ANKMY1: variants seen among roughly 807,000 people sequenced by gnomAD.
The protein encoded by ANKMY1 is ankyrin repeat and MYND domain-containing protein 1.
A neutral mutation model predicts 102.0 loss-of-function variants in ANKMY1; 98 were observed. That is an observed-to-expected ratio of 0.96 (90% CI 0.82 to 1.14). The LOEUF (loss-of-function observed/expected upper bound fraction) is 1.14. ANKMY1 is among the 50% of genes most tolerant of loss of function. The pLI is 0.00. For missense variants in ANKMY1, 1,330 were observed against 1,347.6 expected (o/e 0.99, Z 0.20); for synonymous variants, 582 against 559.9 (o/e 1.04, Z -0.56).
At chr2:240,551,629 T>A (rs2091543615) in intron 4 of ANKMY1, among the ~76,000 whole-genome samples, 1 of 152,182 alleles carries the variant, frequency 6.6e-6, no homozygotes, top group Non-Finnish European at 1.5e-5. Flanking sequence ...AAAGAGATTG[T>A]CTTTTAGAAG....
At chr2:240,470,510 C>G in the ANKMY1 span, among the ~76,000 whole-genome samples, 1 of 152,190 alleles carries the variant, frequency 6.6e-6, no homozygotes, top group Non-Finnish European at 1.5e-5. Flanking sequence ...ACCAGTGAGT[C>G]TAAACATTTC....
chr2:240,485,318 A>G (rs189509392), intron 15 of ANKMY1, among the ~76,000 whole-genome samples: 19,545 of 145,456 alleles, frequency 0.13, 1,439 homozygotes, highest in Non-Finnish European at 0.16. Context: ...ACAGAGCGAG[A>G]CTCCGTCTCA....
rs368789840 is a variant in ANKMY1, at chr2:240,482,094, C to T, written c.2885+89G>A. 208 of 1,423,472 alleles carry T rather than the reference C, an allele frequency of 1.5e-4. 4 individuals are homozygous for T. The African/African-American group carries it at 2.6e-3, about 18-fold the overall frequency. The allele number at this position is 1,423,472 out of a possible 1,614,324, so 88.2% of individuals were successfully genotyped here. The stretch of plus-strand genomic sequence containing the variant: ...GGGTCAGATGGCATGGAGGCTGTCC[C>T]GGGATGAGGTGGTCAGGCCAGGCAC... On this transcript the variant is annotated intron_variant, in intron 16 of 17. Coordinates refer to ENST00000401804, the MANE Select transcript of ANKMY1 (RefSeq NM_001282771.3).
intron 4 of ANKMY1, among the ~76,000 whole-genome samples, chr2:240,540,016 C>A (rs961384284): frequency 6.6e-6 from 1 of 152,226 alleles, no homozygotes; most frequent in African/African-American, 2.4e-5. Context: ...CAGTTATAAA[C>A]AGGACCTAAA....
At chr2:240,509,108 G>A (rs1296477743) in intron 12 of ANKMY1, among the ~76,000 whole-genome samples, 1 of 151,976 alleles carries the variant, frequency 6.6e-6, no homozygotes, top group Non-Finnish European at 1.5e-5. Context: ...AAGTTGGGTG[G>A]ACAGGTGGAT....
chr2:240,532,175 AAAG>A (rs34651715), intron 4 of ANKMY1: 74,500 of 456,826 alleles, frequency 0.16, 6,784 homozygotes, highest in South Asian at 0.27. Flanking sequence ...CAAAGCAGCC[AAAG>A]AAGAGACAGA....
rs889319372 is a variant in ANKMY1 at position 240,498,465 on chromosome 2, G to T, written c.2806+1493C>A. Among the ~76,000 whole-genome samples, 15 of 112,946 alleles carry T rather than the reference G, an allele frequency of 1.3e-4. No individual in the cohort carries two copies. In the South Asian group the frequency reaches 3.8e-3, roughly 29 times the overall value. 74.1% of individuals were successfully genotyped at this position (112,946 alleles called of 152,430 possible). A position where few individuals can be genotyped will look rare whatever the true frequency, so the allele number is the denominator to read the frequency against. ...GACAGGCACGTGTGTGGGTAGGTGT[G>T]CAGACAGCTGTGGGGGTGGAGCTGA... On this transcript the variant is annotated intron_variant, in intron 15 of 17. Transcript: ENST00000401804.
Position 240,528,624 on chromosome 2 carries a change from C to T in ANKMY1, c.953+413G>A, listed in dbSNP as rs551913496. ...TAGCTATGGCCTGCACAAGGGGAAA[C>T]GCACAGGGCCCAGGGCCAGGACTCA... On this transcript the variant is annotated intron_variant, in intron 5 of 17. Transcript: ENST00000401804. Among the ~76,000 whole-genome samples the T allele has an allele frequency of 1.1e-4, 17 of 152,226 alleles. No homozygotes were observed. In the East Asian group the frequency reaches 1.9e-3, roughly 17 times the overall value.
rs183414201 is a variant in ANKMY1, at chr2:240,491,799, T to G, written c.2806+8159A>C. Among the ~76,000 whole-genome samples the G allele has an allele frequency of 4.7e-4, 71 of 152,310 alleles. No homozygotes were observed. The East Asian group carries it at 0.011, about 24-fold the overall frequency. On this transcript the variant is annotated intron_variant, in intron 15 of 17. Transcript: ENST00000401804. ...ATTTGTTAGTCTTAAGGAATTTCCTTTATGGGTGACTAGATGCTTTTCTCT... is the reference window on the plus strand; with the variant it reads ...ATTTGTTAGTCTTAAGGAATTTCCTGTATGGGTGACTAGATGCTTTTCTCT...
intron 4 of ANKMY1, among the ~76,000 whole-genome samples, chr2:240,551,850 G>C (rs2091584903): frequency 6.6e-6 from 1 of 152,102 alleles, no homozygotes; most frequent in East Asian, 1.9e-4. Context: ...CATAGAAATT[G>C]ACCCTTCTGG....
rs1353772195 is a variant in ANKMY1 at position 240,506,268 on chromosome 2, A to T, written c.2526+1292T>A. On this transcript the variant is annotated intron_variant, in intron 13 of 17. Transcript: ENST00000401804. The surrounding 1 kb of genome is among the most constrained non-coding windows in gnomAD (Gnocchi z 4.9). The stretch of plus-strand genomic sequence containing the variant: ...CTCTCCCGTCTCGCGTCCTTTCTCT[A>T]TTTACTCAGACTTAGATGAACAAGA... 1.3e-5 allele frequency among the ~76,000 whole-genome samples: 2 copies of T among 152,060 alleles called. No homozygotes were observed. The highest frequency in any genetic ancestry group is 4.8e-5 in the African/African-American group (2 of 41,418).
At chr2:240,525,261 C>T (rs1370683291) in intron 7 of ANKMY1, among the ~76,000 whole-genome samples, 2 of 152,250 alleles carry the variant, frequency 1.3e-5, no homozygotes, top group Non-Finnish European at 2.9e-5. Context: ...CAATACTTGG[C>T]ATCTCAGTGA....
chr2:240,544,865 C>T (rs1474134214), intron 4 of ANKMY1, among the ~76,000 whole-genome samples: 5 of 152,198 alleles, frequency 3.3e-5, no homozygotes, highest in African/African-American at 1.2e-4. Context: ...CCTACGCCCA[C>T]GGAGTCTCGC....
chr2:240,527,005 A>T, intron 5 of ANKMY1: 2 of 997,294 alleles, frequency 2.0e-6, no homozygotes, highest in Non-Finnish European at 2.4e-6. Context: ...TTACAAGCCC[A>T]GTTGATGTCT....
intron 15 of ANKMY1, among the ~76,000 whole-genome samples, chr2:240,489,131 A>G (rs1026388600): frequency 6.6e-6 from 1 of 152,124 alleles, no homozygotes; most frequent in African/African-American, 2.4e-5. Context: ...ATTATTTTAA[A>G]GTATATTCCT....
At chr2:240,487,065 C>T (rs2076139821) in intron 15 of ANKMY1, among the ~76,000 whole-genome samples, 1 of 152,136 alleles carries the variant, frequency 6.6e-6, no homozygotes, top group Admixed American at 6.6e-5. Context: ...AAAACATTGA[C>T]TTTATTTCTT....
In ANKMY1 at chr2:240,499,975, A is replaced by G; in HGVS notation, c.2789T>C (p.Leu930Pro). The G allele has an allele frequency of 6.2e-7, 1 of 1,612,682 alleles. No homozygotes were observed. The highest frequency in any genetic ancestry group is 1.1e-5 in the South Asian group (1 of 90,984). ...AKESQWDPTWLYLCKRAELIP... is the reference protein window; with the variant it reads ...AKESQWDPTWPYLCKRAELIP... ...CTGCTCACCTCTCTTGCACAGGTAC[A>G]GCCACGTGGGGTCCCACTGGCTCTC... The change falls in exon 15 of 18, where the codon CTG (leucine) becomes CCG (proline). Residue 930 changes from leucine (L) to proline (P), a missense_variant. Coordinates refer to ENST00000401804, the MANE Select transcript of ANKMY1 (RefSeq NM_001282771.3). The surrounding 1 kb of genome is among the most constrained non-coding windows in gnomAD (Gnocchi z 4.2).
chr2:240,521,491 CTTTTTTTTT>C (rs1162330484), intron 8 of ANKMY1, among the ~76,000 whole-genome samples: 12 of 69,592 alleles, frequency 1.7e-4, no homozygotes, highest in South Asian at 1.3e-3. Flanking sequence ...GGTGTTACAG[CTTTTTTTTT>C]TTTTTTTTTT....
chr2:240,520,083 T>A lies in ANKMY1; in HGVS notation c.2004+279A>T. 1.6e-6 allele frequency: 1 copy of A among 632,940 alleles called. No homozygotes were observed. The highest frequency in any genetic ancestry group is 2.1e-5 in the Admixed American group (1 of 46,966). The allele number at this position is 632,940 out of a possible 1,614,324, so 39.2% of individuals were successfully genotyped here. On this transcript the variant is annotated intron_variant, in intron 9 of 17. Coordinates refer to ENST00000401804, the MANE Select transcript of ANKMY1 (RefSeq NM_001282771.3). The surrounding 1 kb of genome is among the most constrained non-coding windows in gnomAD (Gnocchi z 4.8). Reference sequence around the variant, plus strand: ...TCCCCTTTCCAAGGGGCCTTCAGGATGCGCTTCCCCTTAGTTTGCTTCAAC... The same window carrying A: ...TCCCCTTTCCAAGGGGCCTTCAGGAAGCGCTTCCCCTTAGTTTGCTTCAAC...
Sources: gnomAD v4.1 joint callset for allele counts (sites outside exome capture counted in the v4.1 genomes callset) on GRCh38, gnomAD v4.1.1 for gene constraint, Gnocchi (gnomAD v3.1) non-coding constraint, MANE v1.5 for transcripts, NCBI Gene and HGNC (gene_info 2026-07-23, HGNC 2026-07-21) for gene names.